The following PRICKLE1 variants were observed in gnomAD, a reference collection of about 807,000 sequenced individuals.
The protein encoded by PRICKLE1 is prickle planar cell polarity protein 1, also known as prickle-like protein 1.
A neutral mutation model predicts 70.2 loss-of-function variants in PRICKLE1; 14 were observed. The ratio of observed to expected loss-of-function variants is 0.20; its 90% CI spans 0.13 to 0.31. PRICKLE1 has a LOEUF of 0.31. PRICKLE1 is among the 10% of genes least tolerant of loss of function. The probability of loss-of-function intolerance (pLI) is 1.00; values close to 1 mark genes in which losing one functional copy is unlikely to be tolerated. For synonymous variants in PRICKLE1, 357 were observed against 379.9 expected, an observed-to-expected ratio of 0.94 and a Z score of 0.70; for missense variants, 821 against 1,026.2, an observed-to-expected ratio of 0.80 and a Z score of 2.73.
At chr12:42,575,895 C>T (rs1006008040) in intron 1 of PRICKLE1, among the ~76,000 whole-genome samples, 13 of 152,250 alleles carry the variant, frequency 8.5e-5, no homozygotes, top group Admixed American at 7.2e-4. Flanking sequence ...CCTTAATAGT[C>T]CACATAGAAC....
At chr12:42,476,462 G>A (rs904224276) in intron 1 of PRICKLE1, among the ~76,000 whole-genome samples, 9 of 151,696 alleles carry the variant, frequency 5.9e-5, no homozygotes, top group South Asian at 2.1e-4. Context: ...GATTACAGGC[G>A]TGAGCCACTG....
intron 1 of PRICKLE1, among the ~76,000 whole-genome samples, chr12:42,529,857 T>C (rs1196103978): frequency 1.3e-5 from 2 of 152,044 alleles, no homozygotes; most frequent in Non-Finnish European, 2.9e-5. Context: ...ACTCACTATA[T>C]TCCAGCCTGG....
intron 1 of PRICKLE1, among the ~76,000 whole-genome samples, chr12:42,523,915 A>C (rs1251925201): frequency 6.6e-6 from 1 of 152,246 alleles, no homozygotes; most frequent in Non-Finnish European, 1.5e-5. Context: ...AAAGCACCAA[A>C]CACAGTACAC....
At chr12:42,500,771 C>T (rs1332612087) in intron 1 of PRICKLE1, among the ~76,000 whole-genome samples, 1 of 151,608 alleles carries the variant, frequency 6.6e-6, no homozygotes, top group Non-Finnish European at 1.5e-5. Flanking sequence ...AATATGTCCC[C>T]AAACAAAAAT....
intron 1 of PRICKLE1, among the ~76,000 whole-genome samples, chr12:42,557,857 A>G (rs751591219): frequency 1.3e-5 from 2 of 152,228 alleles, no homozygotes; most frequent in Non-Finnish European, 2.9e-5. Flanking sequence ...AATCATCACA[A>G]TCTTTTCAAT....
chr12:42,466,119 GA>G, intron 6 of PRICKLE1, 74 bp downstream of exon 6: 1 of 1,518,090 alleles, frequency 6.6e-7, no homozygotes, highest in Non-Finnish European at 9.1e-7. Context: ...AACAGAAAAA[GA>G]AAAAATAAGA....
intron 1 of PRICKLE1, among the ~76,000 whole-genome samples, chr12:42,521,525 C>A (rs1939707972): frequency 6.6e-6 from 1 of 152,048 alleles, no homozygotes; most frequent in Non-Finnish European, 1.5e-5. Flanking sequence ...CCTGGTGAAA[C>A]CCTGTCTCTA....
At chr12:42,495,736 G>C (rs1214467460) in intron 1 of PRICKLE1, among the ~76,000 whole-genome samples, 2 of 151,854 alleles carry the variant, frequency 1.3e-5, no homozygotes, top group African/African-American at 2.4e-5. Context: ...CTACAGGCAC[G>C]TGCCACCACG....
At chr12:42,558,522 A>G (rs968437142) in intron 1 of PRICKLE1, among the ~76,000 whole-genome samples, 4 of 152,246 alleles carry the variant, frequency 2.6e-5, no homozygotes, top group African/African-American at 9.6e-5. Flanking sequence ...TGTTGTGGAA[A>G]ATGCAGTGAA....
intron 1 of PRICKLE1, chr12:42,584,255 G>GGA (rs2120810343): frequency 6.6e-6 from 1 of 151,734 alleles, no homozygotes; most frequent in African/African-American, 2.4e-5. Context: ...AGGAATCTGG[G>GGA]AAAAAAAAGT....
At chr12:42,489,643 G>C (rs1256022059) in intron 1 of PRICKLE1, 1 of 103,900 alleles carries the variant, frequency 9.6e-6, no homozygotes, top group Non-Finnish European at 1.8e-5. Context: ...TGGGGGATAA[G>C]AGCGAGACTT....
At chr12:42,539,092 C>T (rs946243558) in intron 1 of PRICKLE1, among the ~76,000 whole-genome samples, 4 of 152,192 alleles carry the variant, frequency 2.6e-5, no homozygotes, top group Admixed American at 1.3e-4. Context: ...TGAAGGAATG[C>T]TGAATAGTAT....
At chr12:42,571,356 T>C (rs1940709567) in intron 1 of PRICKLE1, among the ~76,000 whole-genome samples, 1 of 152,154 alleles carries the variant, frequency 6.6e-6, no homozygotes, top group Admixed American at 6.5e-5. Flanking sequence ...GGAATAAAAT[T>C]ACAGGCTTTG....
intron 1 of PRICKLE1, among the ~76,000 whole-genome samples, chr12:42,571,169 T>C (rs1299683104): frequency 6.6e-6 from 1 of 152,122 alleles, no homozygotes; most frequent in African/African-American, 2.4e-5. Flanking sequence ...GAGACTAAAA[T>C]TTACCCTATT....
At chr12:42,564,052 A>T (rs2120719305) in intron 1 of PRICKLE1, among the ~76,000 whole-genome samples, 1 of 151,866 alleles carries the variant, frequency 6.6e-6, no homozygotes, top group African/African-American at 2.4e-5. Flanking sequence ...AGGTCAAGAG[A>T]TTGAGAACAT....
In PRICKLE1 at chr12:42,459,994, CGGAAGAGGAGGAGGA is replaced by C; in HGVS notation, c.2296_2310del (p.Ser766_Ser770del). ...AGAAAATATCCTTCTTCTTCCGAGT[CGGAAGAGGAGGAGGA>C]GGAAGAACACCAGGAATCATCATCC... On this transcript the variant is annotated inframe_deletion, in exon 8 of 8. Transcript: ENST00000345127. 1 of 1,613,870 alleles carries C rather than the reference CGGAAGAGGAGGAGGA, an allele frequency of 6.2e-7. No homozygotes were observed.
chr12:42,502,622 T>C (rs1939336207), intron 1 of PRICKLE1, among the ~76,000 whole-genome samples: 1 of 152,126 alleles, frequency 6.6e-6, no homozygotes, highest in Admixed American at 6.6e-5. Flanking sequence ...GTGTGGTTTT[T>C]TAAAAAAAAT....
rs1939567810 is a variant in PRICKLE1 at position 42,514,394 on chromosome 12, A to C, written c.-48-41830T>G. On this transcript the variant is annotated intron_variant, in intron 1 of 7. Coordinates refer to ENST00000345127, the MANE Select transcript of PRICKLE1 (RefSeq NM_153026.3). ...TATCTCATGGTTCTTCAGTGGAAGA[A>C]GAAAGATCATCATCTTTTTTTTTGT... Among the ~76,000 whole-genome samples the C allele has an allele frequency of 2.0e-5, 3 of 151,522 alleles. No individual in the cohort carries two copies. In the South Asian group the frequency reaches 6.3e-4, roughly 32 times the overall value.
In PRICKLE1 at chr12:42,464,217, C is replaced by T. The variant is rs1012125715; in HGVS notation, c.1639+178G>A. On this transcript the variant is annotated intron_variant, in intron 7 of 7. Transcript: ENST00000345127. This position sits in a 1 kb window ranked among gnomAD's most constrained non-coding sequence, Gnocchi z 4.2. ...TGTATTTTTAGTAGAGCCGCGGTTT[C>T]GCCATGTTGCCTGGGCTGGTCTCGA... Among the ~76,000 whole-genome samples the T allele has an allele frequency of 3.3e-5, 5 of 152,080 alleles. No homozygotes were observed. The highest frequency in any genetic ancestry group is 6.5e-5 in the Admixed American group (1 of 15,268).
Sources: allele counts gnomAD v4.1 joint callset (sites outside exome capture counted in the v4.1 genomes callset), GRCh38; gene constraint gnomAD v4.1.1; non-coding constraint Gnocchi (gnomAD v3.1); transcripts MANE v1.5; gene names NCBI Gene and HGNC (gene_info 2026-07-23, HGNC 2026-07-21).